The following FOXN3 variants were observed in gnomAD, a reference collection of about 807,000 sequenced individuals.
The protein encoded by FOXN3 is forkhead box N3, also known as forkhead box protein N3.
A neutral mutation model predicts 38.4 loss-of-function variants in FOXN3; 7 were observed. The observed-to-expected ratio is 0.18, with a 90% CI of 0.10 to 0.34. The LOEUF is 0.34. FOXN3 is among the 10% of genes least tolerant of loss of function. The pLI is 1.00. For synonymous variants in FOXN3, 230 were observed against 242.2 expected, an observed-to-expected ratio of 0.95 and a Z score of 0.47; for missense variants, 456 against 613.4, an observed-to-expected ratio of 0.74 and a Z score of 2.71.
chr14:89,449,292 T>G (rs1237701981), intron 1 of FOXN3, among the ~76,000 whole-genome samples: 1 of 152,210 alleles, frequency 6.6e-6, no homozygotes, highest in Non-Finnish European at 1.5e-5. Flanking sequence ...CATCTGTGAT[T>G]TCTTAAAAGT....
At chr14:89,455,165 C>T (rs1892694812) in intron 1 of FOXN3, among the ~76,000 whole-genome samples, 3 of 152,300 alleles carry the variant, frequency 2.0e-5, no homozygotes, top group Middle Eastern at 3.4e-3. Context: ...AGAATCATCT[C>T]CAATGTTCCT....
At chr14:89,549,412 C>CT (rs1267247773) in intron 1 of FOXN3, among the ~76,000 whole-genome samples, 1 of 152,092 alleles carries the variant, frequency 6.6e-6, no homozygotes, top group African/African-American at 2.4e-5. Flanking sequence ...AGCAAGGCTC[C>CT]TCTTAGCCTT....
rs1887052155 is a variant in FOXN3 at position 89,159,587 on chromosome 14, G to C, written c.*2827C>G. ...CCTTTAGAAAAATGAAATGAGGGGA[G>C]ACAGCCCACGGTGGGGGTTTTAATT... On this transcript the variant is annotated 3_prime_UTR_variant, in exon 6 of 6. Coordinates refer to ENST00000557258, the MANE Select transcript of FOXN3 (RefSeq NM_005197.4). The C allele has an allele frequency of 6.6e-6, 1 of 152,392 alleles. No individual in the cohort carries two copies. Among genetic ancestry groups the C allele is most frequent in the African/African-American group, 2.4e-5 (1 of 41,448 alleles). 9.4% of individuals were successfully genotyped at this position (152,392 alleles called of 1,614,324 possible).
chr14:89,237,645 T>C (rs954758360), intron 4 of FOXN3, among the ~76,000 whole-genome samples: 3 of 152,194 alleles, frequency 2.0e-5, no homozygotes, highest in African/African-American at 7.2e-5. Context: ...CATGTGAATC[T>C]AGGATCATCT....
chr14:89,194,067 A>T (rs902433614), intron 4 of FOXN3, among the ~76,000 whole-genome samples: 2 of 152,314 alleles, frequency 1.3e-5, no homozygotes, highest in Non-Finnish European at 2.9e-5. Flanking sequence ...GTAAGATTTT[A>T]AAAAATATTC....
chr14:89,416,674 A>AGGAAACTCTTCGGACCC (rs1227049121), intron 1 of FOXN3, among the ~76,000 whole-genome samples, 197 bp downstream of exon 1: 3 of 152,110 alleles, frequency 2.0e-5, no homozygotes, highest in Non-Finnish European at 4.4e-5. Context: ...ACGTCGGGGC[A>AGGAAACTCTTCGGACCC]GGAAACTCTT....
intron 1 of FOXN3, among the ~76,000 whole-genome samples, chr14:89,482,341 C>T (rs1254145077): frequency 6.6e-6 from 1 of 152,188 alleles, no homozygotes; most frequent in Non-Finnish European, 1.5e-5. Context: ...GTGTGTGCAG[C>T]CGGGCACATT....
chr14:89,244,509 T>C (rs987899305), intron 4 of FOXN3, among the ~76,000 whole-genome samples: 1 of 152,238 alleles, frequency 6.6e-6, no homozygotes, highest in African/African-American at 2.4e-5. Flanking sequence ...TCTAGGTCTG[T>C]TGACTGATTT....
intron 1 of FOXN3, among the ~76,000 whole-genome samples, chr14:89,442,421 GGCTGAAGACAGTGCATGGCA>G (rs1892406657): frequency 6.6e-6 from 1 of 152,066 alleles, no homozygotes; most frequent in Non-Finnish European, 1.5e-5. Context: ...CTGCTCTCTC[GGCTGAAGACAGTGCATGGCA>G]GTGAATGTCA....
intron 1 of FOXN3, among the ~76,000 whole-genome samples, chr14:89,604,229 ACACACACACACGTGCGCGCACACACACG>A (rs1391841403): frequency 6.8e-6 from 1 of 147,716 alleles, no homozygotes; most frequent in Non-Finnish European, 1.5e-5. Context: ...ACACACACAC[ACACACACACACGTGCGCGCACACACACG>A]CGCGCGCACA....
chr14:89,363,967 T>TATATATATAATATATATATATATATATA (rs1555421727), intron 2 of FOXN3, among the ~76,000 whole-genome samples: 1 of 98,612 alleles, frequency 1.0e-5, no homozygotes, highest in African/African-American at 5.3e-5. Flanking sequence ...TATATATATA[T>TATATATATAATATATATATATATATATA]ATATATATAT....
At chr14:89,429,687 G>C (rs543902922) in intron 1 of FOXN3, among the ~76,000 whole-genome samples, 1 of 152,086 alleles carries the variant, frequency 6.6e-6, no homozygotes. Flanking sequence ...GGGAACAGGC[G>C]GCCCCAGCAA....
intron 1 of FOXN3, among the ~76,000 whole-genome samples, chr14:89,575,239 G>A (rs564499795): frequency 2.0e-5 from 3 of 152,186 alleles, no homozygotes; most frequent in African/African-American, 7.2e-5. Context: ...GAAGATCATA[G>A]TTAAGATCAC....
upstream of FOXN3, among the ~76,000 whole-genome samples, chr14:89,418,806 C>G (rs1237515591): frequency 6.6e-6 from 1 of 152,156 alleles, no homozygotes; most frequent in Non-Finnish European, 1.5e-5. Context: ...TCCATCAGCG[C>G]GTCAGTTGAG....
chr14:89,217,820 C>A (rs1884334826), intron 4 of FOXN3, among the ~76,000 whole-genome samples: 1 of 152,230 alleles, frequency 6.6e-6, no homozygotes, highest in African/African-American at 2.4e-5. Context: ...CCACTTCCCT[C>A]CTGTTTGTGG....
intron 1 of FOXN3, among the ~76,000 whole-genome samples, chr14:89,463,802 G>C (rs1016263709): frequency 1.3e-4 from 15 of 117,096 alleles, no homozygotes; most frequent in Admixed American, 9.9e-4. Flanking sequence ...TTTTTTTTTT[G>C]AGATGGAGTT....
At chr14:89,421,975 A>G (rs1350956031), upstream of FOXN3, among the ~76,000 whole-genome samples, 2 of 151,842 alleles carry the variant, frequency 1.3e-5, no homozygotes, top group Non-Finnish European at 2.9e-5. Flanking sequence ...GAACTCCTAG[A>G]CTCAAACAAT....
At chr14:89,565,953 G>A (rs955149705) in intron 1 of FOXN3, among the ~76,000 whole-genome samples, 24 of 152,240 alleles carry the variant, frequency 1.6e-4, no homozygotes, top group Middle Eastern at 3.4e-3. Flanking sequence ...AGGTCATTTC[G>A]CCCCGGAAAT....
chr14:89,204,805 T>C (rs1888335515), intron 4 of FOXN3, among the ~76,000 whole-genome samples: 1 of 151,560 alleles, frequency 6.6e-6, no homozygotes, highest in African/African-American at 2.4e-5. Context: ...CATCCATCCA[T>C]CCATCCATCC....
Sources: allele counts gnomAD v4.1 joint callset (sites outside exome capture counted in the v4.1 genomes callset), GRCh38; gene constraint gnomAD v4.1.1; transcripts MANE v1.5; gene names NCBI Gene and HGNC (gene_info 2026-07-23, HGNC 2026-07-21).